USP42: variants seen among roughly 807,000 people sequenced by gnomAD.
The protein encoded by USP42 is ubiquitin carboxyl-terminal hydrolase 42.
In USP42, 23 loss-of-function variants were observed where a neutral mutation model predicts 113.0. That is an observed-to-expected ratio of 0.20 (90% confidence interval 0.15 to 0.29). The LOEUF (loss-of-function observed/expected upper bound fraction) is 0.29, where lower values mean the gene tolerates loss of function less well. Ranked by LOEUF, USP42 falls within the 10% of genes least tolerant of loss-of-function variation. The pLI, the probability that USP42 is intolerant of heterozygous loss-of-function variation, is 1.00. For synonymous variants in USP42, 933 were observed against 699.0 expected, an observed-to-expected ratio of 1.33 and a Z score of -5.28; for missense variants, 2,174 against 1,779.8, an observed-to-expected ratio of 1.22 and a Z score of -3.99.
the USP42 span, among the ~76,000 whole-genome samples, chr7:6,097,087 G>A: frequency 1.3e-5 from 2 of 150,668 alleles, no homozygotes; most frequent in African/African-American, 5.0e-5. Flanking sequence ...TGTATGTTTA[G>A]TAGAGACGGG....
At chr7:6,110,178 T>A (rs1479157205) in intron 1 of USP42, among the ~76,000 whole-genome samples, 1 of 152,130 alleles carries the variant, frequency 6.6e-6, no homozygotes, top group Non-Finnish European at 1.5e-5. Flanking sequence ...TAGATGTGGC[T>A]ACTGTTGGGC....
At chr7:6,114,678 A>ATATATATATATATATATATATATATAT (rs1241045063) in intron 2 of USP42, among the ~76,000 whole-genome samples, 1 of 18,874 alleles carries the variant, frequency 5.3e-5, no homozygotes, top group Non-Finnish European at 7.5e-5. Flanking sequence ...ATATATATAT[A>ATATATATATATATATATATATATATAT]TTTTTTTTTT....
At chr7:6,133,582 A>G (rs1780966467) in intron 3 of USP42, among the ~76,000 whole-genome samples, 1 of 146,864 alleles carries the variant, frequency 6.8e-6, no homozygotes, top group Non-Finnish European at 1.5e-5. Context: ...TGGTGCTATC[A>G]TAGCTTACTG....
In USP42 at chr7:6,139,041, T is replaced by TA. The variant is rs1400272918; in HGVS notation, c.554-50dup. 5 of 1,262,470 alleles carry TA rather than the reference T, an allele frequency of 4.0e-6. No individual in the cohort carries two copies. The African/African-American group carries it at 7.5e-5, about 19-fold the overall frequency. The allele number at this position is 1,262,470 out of a possible 1,614,324, so 78.2% of individuals were successfully genotyped here. ...AAGATATATTTTGGGGGGTACAACT[T>TA]AGGCTTATTACGTGTAATGATAAAG... On this transcript the variant is annotated intron_variant, in intron 4 of 17. Transcript: ENST00000306177. This position sits in a 1 kb window ranked among gnomAD's most constrained non-coding sequence, Gnocchi z 4.5.
In USP42 at chr7:6,141,201, C is replaced by CT. The variant is rs903124477; in HGVS notation, c.795+236dup. On this transcript the variant is annotated intron_variant, in intron 7 of 17. Transcript: ENST00000306177. ...ACTCTTTGAATTTTCTTTTTCTTTT[C>CT]TTTTTTTTTTTTTTTTTTTGAGATG... 8.4e-3 allele frequency among the ~76,000 whole-genome samples: 1,037 copies of CT among 123,914 alleles called. 4 individuals carry two copies. Among genetic ancestry groups the CT allele is most frequent in the African/African-American group, 0.014 (475 of 33,386 alleles). The allele number at this position is 123,914 out of a possible 152,430, so 81.3% of individuals were successfully genotyped here.
At chr7:6,121,597 A>T (rs1470703006) in intron 3 of USP42, among the ~76,000 whole-genome samples, 1 of 152,068 alleles carries the variant, frequency 6.6e-6, no homozygotes, top group East Asian at 1.9e-4. Flanking sequence ...TGTTTGCTAG[A>T]TTTCAGCAGT....
At chr7:6,155,449 T>G (rs953738126) in intron 15 of USP42, among the ~76,000 whole-genome samples, 1 of 152,358 alleles carries the variant, frequency 6.6e-6, no homozygotes, top group Middle Eastern at 3.4e-3. Flanking sequence ...TTCAAAATGA[T>G]AGTGCCATTT....
intron 3 of USP42, among the ~76,000 whole-genome samples, chr7:6,116,202 A>G (rs1284874723): frequency 1.3e-5 from 2 of 152,050 alleles, no homozygotes; most frequent in African/African-American, 2.4e-5. Flanking sequence ...GGAAGGCTCA[A>G]TCATTTACAT....
At chr7:6,101,335 T>C (rs765483540), upstream of USP42, among the ~76,000 whole-genome samples, 2 of 151,182 alleles carry the variant, frequency 1.3e-5, no homozygotes, top group Non-Finnish European at 2.9e-5. Flanking sequence ...CTGACACCTA[T>C]TGTTCCATGA....
intron 3 of USP42, among the ~76,000 whole-genome samples, chr7:6,117,654 C>G (rs1779988009): frequency 6.6e-6 from 1 of 152,122 alleles, no homozygotes; most frequent in Admixed American, 6.5e-5. Flanking sequence ...TTTTATAGTC[C>G]CACCACTGGT....
intron 1 of USP42, among the ~76,000 whole-genome samples, chr7:6,108,339 A>G (rs1583569405): frequency 6.6e-6 from 1 of 152,226 alleles, no homozygotes; most frequent in East Asian, 1.9e-4. Flanking sequence ...GGAGTTCAAG[A>G]CCAGCCTGGG....
chr7:6,118,724 A>G (rs78679601), intron 3 of USP42, among the ~76,000 whole-genome samples: 3,789 of 152,214 alleles, frequency 0.025, 157 homozygotes, highest in African/African-American at 0.086. Context: ...TTCTAGCACC[A>G]TTTGTTGGAA....
At chr7:6,086,868 G>A in the USP42 span, among the ~76,000 whole-genome samples, 1 of 150,024 alleles carries the variant, frequency 6.7e-6, no homozygotes, top group Non-Finnish European at 1.5e-5. Context: ...TGGAATTACA[G>A]GCGTCTGCCA....
chr7:6,113,409 C>T (rs553953032), intron 2 of USP42, among the ~76,000 whole-genome samples: 27 of 152,222 alleles, frequency 1.8e-4, no homozygotes, highest in Non-Finnish European at 3.4e-4. Flanking sequence ...GGGCTTCTCT[C>T]TCTTCTTAGG....
Position 6,159,626 on chromosome 7 carries a change from G to A in USP42, c.*36+133G>A, listed in dbSNP as rs999869914. 1.4e-5 allele frequency: 12 copies of A among 884,778 alleles called. No homozygotes were observed. The highest frequency in any genetic ancestry group is 2.7e-5 in the Admixed American group (1 of 37,450). The allele number at this position is 884,778 out of a possible 1,614,324, so 54.8% of individuals were successfully genotyped here. On this transcript the variant is annotated intron_variant, in intron 17 of 17. Transcript: ENST00000306177. This position sits in a 1 kb window ranked among gnomAD's most constrained non-coding sequence, Gnocchi z 4.1. ...GTTGGCAGAGCCATGGAGAGGCCCC[G>A]GCAGGTTCCCAGCCAGCCCAGACCC...
intron 11 of USP42, among the ~76,000 whole-genome samples, chr7:6,146,991 T>TCAC (rs1781752165): frequency 6.6e-6 from 1 of 152,258 alleles, no homozygotes; most frequent in Non-Finnish European, 1.5e-5. Context: ...TGTCCTGTTG[T>TCAC]GGCTGCATAC....
rs534198750 is a variant in USP42, at chr7:6,122,217, A to G, written c.442+6694A>G. Among the ~76,000 whole-genome samples, 6 of 150,832 alleles carry G rather than the reference A, an allele frequency of 4.0e-5. No individual in the cohort carries two copies. The South Asian group carries it at 8.4e-4, about 21-fold the overall frequency. On this transcript the variant is annotated intron_variant, in intron 3 of 17. Coordinates refer to ENST00000306177, the MANE Select transcript of USP42 (RefSeq NM_032172.3). ...TTTTCCAATGTAAGTGTCAAATGCTATAAATTTCCCTATGAGTGGTACTTT... is the reference window on the plus strand; with the variant it reads ...TTTTCCAATGTAAGTGTCAAATGCTGTAAATTTCCCTATGAGTGGTACTTT...
chr7:6,139,860 G>A lies in USP42; in HGVS notation c.657-268G>A, dbSNP rs1272757366. ...GGAGGCTGCCATCTTCCTGCTTCAG[G>A]ACCAGACTCCTGCCTTGCTTCCCGA... On this transcript the variant is annotated intron_variant, in intron 5 of 17. Coordinates refer to ENST00000306177, the MANE Select transcript of USP42 (RefSeq NM_032172.3). This position sits in a 1 kb window ranked among gnomAD's most constrained non-coding sequence, Gnocchi z 4.5. 1.9e-6 allele frequency: 1 copy of A among 521,156 alleles called. No individual in the cohort carries two copies. The highest frequency in any genetic ancestry group is 3.5e-6 in the Non-Finnish European group (1 of 289,704). 32.3% of individuals were successfully genotyped at this position (521,156 alleles called of 1,614,324 possible). A position where few individuals can be genotyped will look rare whatever the true frequency, so the allele number is the denominator to read the frequency against.
chr7:6,140,758 A>G (rs1781386355), intron 6 of USP42, among the ~76,000 whole-genome samples, 156 bp from the exon 7 acceptor site: 1 of 152,212 alleles, frequency 6.6e-6, no homozygotes, highest in African/African-American at 2.4e-5. Context: ...CACCCATATT[A>G]TGAGTAGTAT....
Sources: allele counts gnomAD v4.1 joint callset (sites outside exome capture counted in the v4.1 genomes callset), GRCh38; gene constraint gnomAD v4.1.1; non-coding constraint Gnocchi (gnomAD v3.1); transcripts MANE v1.5; gene names NCBI Gene and HGNC (gene_info 2026-07-23, HGNC 2026-07-21).